PCSK6: variants seen among roughly 807,000 people sequenced by gnomAD.
PCSK6 encodes the protein proprotein convertase subtilisin/kexin type 6.
A neutral mutation model predicts 123.3 loss-of-function variants in PCSK6; 85 were observed. The ratio of observed to expected loss-of-function variants is 0.69; its 90% confidence interval spans 0.58 to 0.83. PCSK6 has a LOEUF of 0.83. Ranked by LOEUF, PCSK6 falls within the 40% of genes least tolerant of loss-of-function variation. PCSK6 has a pLI of 0.00. For missense variants in PCSK6, 1,191 were observed against 1,282.3 expected, an observed-to-expected ratio of 0.93 and a Z score of 1.09; for synonymous variants, 508 against 516.0, an observed-to-expected ratio of 0.98 and a Z score of 0.21.
chr15:101,462,506 C>T (rs2057362339), intron 1 of PCSK6, among the ~76,000 whole-genome samples: 1 of 152,132 alleles, frequency 6.6e-6, no homozygotes, highest in African/African-American at 2.4e-5. Context: ...CTTGCCCCAC[C>T]ACATATCAAG....
intron 1 of PCSK6, among the ~76,000 whole-genome samples, chr15:101,480,114 G>C (rs544847254): frequency 1.3e-5 from 2 of 152,212 alleles, no homozygotes; most frequent in African/African-American, 4.8e-5. Flanking sequence ...TTCCCCCCAG[G>C]GCGGTCTGGC....
At chr15:101,310,251 C>T (rs1034297923) in intron 20 of PCSK6, among the ~76,000 whole-genome samples, 6 of 152,210 alleles carry the variant, frequency 3.9e-5, no homozygotes, top group South Asian at 2.1e-4. Context: ...TCTGCAGGGC[C>T]GAAAGCTGCC....
At chr15:101,321,238 G>A (rs1207072407) in intron 18 of PCSK6, among the ~76,000 whole-genome samples, 1 of 152,132 alleles carries the variant, frequency 6.6e-6, no homozygotes, top group East Asian at 1.9e-4. Flanking sequence ...CCTTTCCTGG[G>A]CCAGTTCATC....
intron 16 of PCSK6, among the ~76,000 whole-genome samples, 184 bp downstream of exon 16, chr15:101,326,193 A>T (rs1475450062): frequency 2.6e-5 from 4 of 152,254 alleles, no homozygotes; most frequent in Admixed American, 6.5e-5. Flanking sequence ...GACATGTATG[A>T]CTTGCATGAT....
chr15:101,352,137 A>ATTTTTTTTT (rs56844456), intron 13 of PCSK6, among the ~76,000 whole-genome samples: 1 of 97,012 alleles, frequency 1.0e-5, no homozygotes, highest in African/African-American at 4.4e-5. Context: ...TATTTTTCTA[A>ATTTTTTTTT]TTTTTTTTTT....
chr15:101,430,103 G>A (rs2643354), intron 4 of PCSK6, 40 bp from the exon 5 acceptor site: 1,384,919 of 1,533,654 alleles, frequency 0.9, 628,173 homozygotes, highest in African/African-American at 0.98. Context: ...GAAATGGCAT[G>A]TGACAGCTCT....
intron 6 of PCSK6, among the ~76,000 whole-genome samples, chr15:101,406,746 T>TCGCCACC (rs1276961011): frequency 6.6e-6 from 1 of 152,154 alleles, no homozygotes; most frequent in Admixed American, 6.5e-5. Context: ...AGACCTACGT[T>TCGCCACC]CGCCATCGTG....
intron 1 of PCSK6, among the ~76,000 whole-genome samples, chr15:101,468,823 C>T (rs1199258340): frequency 6.6e-6 from 1 of 152,230 alleles, no homozygotes; most frequent in Non-Finnish European, 1.5e-5. Context: ...GACCTCACAT[C>T]TGCACTAGTG....
intron 13 of PCSK6, among the ~76,000 whole-genome samples, chr15:101,352,986 T>C (rs1161925954): frequency 3.3e-5 from 5 of 152,248 alleles, no homozygotes; most frequent in Non-Finnish European, 7.3e-5. Flanking sequence ...GGAATCAGTT[T>C]ATTGGAAGAC....
At position 101,388,096 on chromosome 15, in the gene PCSK6, C is replaced by G. The variant is rs546238236; in HGVS notation, c.1310+1368G>C. Among the ~76,000 whole-genome samples the G allele has an allele frequency of 2.6e-5, 4 of 152,094 alleles. No individual in the cohort carries two copies. In the South Asian group the frequency reaches 8.3e-4, roughly 32 times the overall value. On this transcript the variant is annotated intron_variant, in intron 9 of 21. Coordinates refer to ENST00000611716, the MANE Select transcript of PCSK6 (RefSeq NM_002570.5). ...TTTCCATTTAGCTCTTTGCATGTTTCCAATAAGGAATGGAGGAAAATACAG... is the reference window on the plus strand; with the variant it reads ...TTTCCATTTAGCTCTTTGCATGTTTGCAATAAGGAATGGAGGAAAATACAG...
intron 6 of PCSK6, among the ~76,000 whole-genome samples, chr15:101,420,236 A>G (rs1407673292): frequency 6.6e-6 from 1 of 151,904 alleles, no homozygotes; most frequent in Non-Finnish European, 1.5e-5. Context: ...AACCATAAAA[A>G]TTTTAAGACC....
At chr15:101,421,981 A>G (rs1166746988) in intron 6 of PCSK6, among the ~76,000 whole-genome samples, 2 of 152,188 alleles carry the variant, frequency 1.3e-5, no homozygotes, top group Non-Finnish European at 2.9e-5. Context: ...ACTTAGAAAA[A>G]ATTAACTTTT....
At chr15:101,408,243 G>A (rs916947430) in intron 6 of PCSK6, among the ~76,000 whole-genome samples, 3 of 152,244 alleles carry the variant, frequency 2.0e-5, no homozygotes, top group East Asian at 1.9e-4. Flanking sequence ...CACGGACGGC[G>A]AAAAGGAGAC....
chr15:101,370,312 T>A, intron 12 of PCSK6, 23 bp downstream of exon 12: 1 of 1,494,528 alleles, frequency 6.7e-7, no homozygotes, highest in Non-Finnish European at 9.0e-7. Context: ...CCAGACCCCA[T>A]CCCCACGCCT....
At chr15:101,456,653 G>A (rs546680002) in intron 1 of PCSK6, among the ~76,000 whole-genome samples, 3 of 152,314 alleles carry the variant, frequency 2.0e-5, no homozygotes, top group South Asian at 2.1e-4. Context: ...AACAAGGAAC[G>A]GCAATCTGCC....
chr15:101,457,739 G>A (rs896845062), intron 1 of PCSK6, among the ~76,000 whole-genome samples: 2 of 152,170 alleles, frequency 1.3e-5, no homozygotes, highest in African/African-American at 4.8e-5. Context: ...GCCGGGGACA[G>A]CCCACACACA....
chr15:101,309,099 ACACTCAGCAGCTGAAAATAACACC>A lies in PCSK6; in HGVS notation c.2700-1798_2700-1775del, dbSNP rs541252901. ...TCCATTGCTCTAACCAGGTTGCCAC[ACACTCAGCAGCTGAAAATAACACC>A]CACTCAGCGGCTCCCCGCTATGCAG... On this transcript the variant is annotated intron_variant, in intron 20 of 21. Transcript: ENST00000611716. 8 of 152,696 alleles carry A rather than the reference ACACTCAGCAGCTGAAAATAACACC, an allele frequency of 5.2e-5. No homozygotes were observed. The East Asian group carries it at 1.5e-3, about 29-fold the overall frequency. The allele number at this position is 152,696 out of a possible 1,614,324, so 9.5% of individuals were successfully genotyped here. A position where few individuals can be genotyped will look rare whatever the true frequency, so the allele number is the denominator to read the frequency against.
chr15:101,429,950 G>A (rs577824768), intron 5 of PCSK6, 37 bp downstream of exon 5: 49 of 1,528,770 alleles, frequency 3.2e-5, no homozygotes, highest in Non-Finnish European at 4.3e-5. Flanking sequence ...TGCAGGGAGG[G>A]GAAGAGAAGC....
Position 101,305,089 on chromosome 15 carries a change from T to G in PCSK6, c.*169A>C. On this transcript the variant is annotated 3_prime_UTR_variant, in exon 22 of 22. Transcript: ENST00000611716. This position sits in a 1 kb window ranked among gnomAD's most constrained non-coding sequence, Gnocchi z 4.8. ...TATCACCATTTTAGGAACACCTCCT[T>G]AAGAGCCACCACCCACCTGGCTTGG... The G allele has an allele frequency of 1.7e-6, 1 of 604,422 alleles. No individual in the cohort carries two copies. The highest frequency in any genetic ancestry group is 2.9e-6 in the Non-Finnish European group (1 of 339,372). 37.4% of individuals were successfully genotyped at this position (604,422 alleles called of 1,614,324 possible). A position where few individuals can be genotyped will look rare whatever the true frequency, so the allele number is the denominator to read the frequency against.
Sources: allele counts gnomAD v4.1 joint callset (sites outside exome capture counted in the v4.1 genomes callset), GRCh38; gene constraint gnomAD v4.1.1; non-coding constraint Gnocchi (gnomAD v3.1); transcripts MANE v1.5; gene names NCBI Gene and HGNC (gene_info 2026-07-23, HGNC 2026-07-21).